SDK1: variants seen among roughly 807,000 people sequenced by gnomAD.
SDK1 encodes protein sidekick-1.
A neutral mutation model predicts 245.5 loss-of-function variants in SDK1; 157 were observed. The ratio of observed to expected loss-of-function variants is 0.64; its 90% CI spans 0.56 to 0.73. The LOEUF (loss-of-function observed/expected upper bound fraction) is 0.73. Ranked by LOEUF, SDK1 falls within the 30% of genes least tolerant of loss-of-function variation. The pLI, the probability that SDK1 is intolerant of heterozygous loss-of-function variation, is 0.00. For synonymous variants in SDK1, 1,647 were observed against 1,278.5 expected, an observed-to-expected ratio of 1.29 and a Z score of -6.15; for missense variants, 3,583 against 3,002.3, an observed-to-expected ratio of 1.19 and a Z score of -4.52.
intron 22 of SDK1, among the ~76,000 whole-genome samples, chr7:4,097,390 C>T (rs538525995): frequency 1.3e-5 from 2 of 152,348 alleles, no homozygotes; most frequent in South Asian, 4.1e-4. Context: ...TTTGTCTGAG[C>T]AGTGCCGCAT....
At chr7:3,507,124 G>C (rs1482725553) in intron 1 of SDK1, among the ~76,000 whole-genome samples, 1 of 152,136 alleles carries the variant, frequency 6.6e-6, no homozygotes, top group African/African-American at 2.4e-5. Flanking sequence ...TAGGGTGTCT[G>C]CTGAATGCCC....
intron 1 of SDK1, among the ~76,000 whole-genome samples, chr7:3,417,610 C>G (rs986874044): frequency 6.6e-6 from 1 of 152,172 alleles, no homozygotes; most frequent in East Asian, 1.9e-4. Flanking sequence ...CTCTGTGTTT[C>G]CCTTTTGTAA....
rs544707553 is a variant in SDK1 at position 3,918,334 on chromosome 7, G to T, written c.848-32589G>T. On this transcript the variant is annotated intron_variant, in intron 5 of 44. Transcript: ENST00000404826. ...ATGTGTATTTACAGCTGCTCCCATC[G>T]CTGGCATTACCACCAGAGCTCCGCC... Among the ~76,000 whole-genome samples the T allele has an allele frequency of 2.2e-4, 34 of 152,296 alleles. 1 individual carries two copies. The South Asian group carries it at 7.0e-3, about 32-fold the overall frequency.
intron 16 of SDK1, among the ~76,000 whole-genome samples, chr7:4,012,940 A>G (rs1032161053): frequency 2.6e-5 from 4 of 152,204 alleles, no homozygotes; most frequent in African/African-American, 9.7e-5. Flanking sequence ...TCAATACAGT[A>G]ATTTTAAATT....
At chr7:4,225,504 G>C (rs932185815) in intron 40 of SDK1, among the ~76,000 whole-genome samples, 3 of 152,084 alleles carry the variant, frequency 2.0e-5, no homozygotes, top group Non-Finnish European at 4.4e-5. Flanking sequence ...TCCAGGCAGC[G>C]ATAAGGCATT....
intron 5 of SDK1, among the ~76,000 whole-genome samples, chr7:3,914,283 A>C (rs1168265470): frequency 6.6e-6 from 1 of 152,180 alleles, no homozygotes; most frequent in Non-Finnish European, 1.5e-5. Context: ...ATTGTGTCTT[A>C]CTGGGTTCAT....
At chr7:3,988,132 GTTTTTTT>G (rs71032919) in intron 14 of SDK1, among the ~76,000 whole-genome samples, 7 of 85,416 alleles carry the variant, frequency 8.2e-5, no homozygotes, top group East Asian at 3.9e-4. Context: ...TCTTTTTAAT[GTTTTTTT>G]TTTTTTTTTT....
At chr7:3,680,042 C>T (rs1159251300) in intron 4 of SDK1, among the ~76,000 whole-genome samples, 2 of 152,092 alleles carry the variant, frequency 1.3e-5, no homozygotes, top group African/African-American at 4.8e-5. Flanking sequence ...TCAGATGTTC[C>T]TCAGTGGGTG....
At chr7:3,557,949 T>C (rs1411959870) in intron 1 of SDK1, among the ~76,000 whole-genome samples, 3 of 152,296 alleles carry the variant, frequency 2.0e-5, no homozygotes, top group African/African-American at 7.2e-5. Context: ...TTGTACATTG[T>C]CTTTAACAGC....
rs1785903698 is a variant in SDK1, at chr7:4,011,006, G to A, written c.2172G>A (p.Glu724=). The A allele has an allele frequency of 1.2e-6, 2 of 1,614,226 alleles. No homozygotes were observed. Among genetic ancestry groups the A allele is most frequent in the Non-Finnish European group, 1.7e-6 (2 of 1,180,032 alleles). The change falls in exon 15 of 45, where the codon GAG becomes GAA. Residue 724 remains glutamate (E), a synonymous_variant. Coordinates refer to ENST00000404826, the MANE Select transcript of SDK1 (RefSeq NM_152744.4). ...WKVHLSNVGP[E]MTGVTVSGLT... Reference sequence around the variant, plus strand: ...TGCATCTGTCAAACGTTGGCCCTGAGATGACAGGCGTCACCGTGAGTGGCC... The same window carrying A: ...TGCATCTGTCAAACGTTGGCCCTGAAATGACAGGCGTCACCGTGAGTGGCC...
intron 35 of SDK1, among the ~76,000 whole-genome samples, chr7:4,179,675 G>T (rs960812939): frequency 3.3e-5 from 5 of 152,000 alleles, no homozygotes; most frequent in African/African-American, 1.2e-4. Flanking sequence ...TTTCCCTCAG[G>T]GATGGACCTG....
At chr7:3,907,920 T>C (rs1583545650) in intron 5 of SDK1, among the ~76,000 whole-genome samples, 1 of 152,224 alleles carries the variant, frequency 6.6e-6, no homozygotes, top group East Asian at 1.9e-4. Context: ...GGCTTGTGTG[T>C]GTATTGTTTA....
chr7:3,357,628 A>C (rs890508501), intron 1 of SDK1, among the ~76,000 whole-genome samples: 2 of 151,726 alleles, frequency 1.3e-5, no homozygotes, highest in Non-Finnish European at 2.9e-5. Context: ...GATGACAGGC[A>C]TGAGCCGCAC....
At chr7:3,763,963 C>T (rs896505620) in intron 4 of SDK1, among the ~76,000 whole-genome samples, 2 of 152,112 alleles carry the variant, frequency 1.3e-5, no homozygotes, top group Non-Finnish European at 2.9e-5. Context: ...ATGCCCCTTC[C>T]CAGTCAAACC....
At chr7:3,457,735 T>C (rs2128593771) in intron 1 of SDK1, among the ~76,000 whole-genome samples, 1 of 152,292 alleles carries the variant, frequency 6.6e-6, no homozygotes, top group East Asian at 1.9e-4. Flanking sequence ...GATTGTTCTC[T>C]GGGTCTTCCA....
intron 2 of SDK1, among the ~76,000 whole-genome samples, chr7:3,634,949 C>G (rs1218797714): frequency 6.6e-6 from 1 of 152,164 alleles, no homozygotes; most frequent in Non-Finnish European, 1.5e-5. Context: ...AATGAGCAAT[C>G]ATATAAATAT....
chr7:3,392,590 C>T (rs1781785706), intron 1 of SDK1, among the ~76,000 whole-genome samples: 1 of 152,122 alleles, frequency 6.6e-6, no homozygotes, highest in Non-Finnish European at 1.5e-5. Flanking sequence ...ACAGAAACTG[C>T]AACTTCTAAG....
chr7:4,034,920 A>G (rs28667817), intron 17 of SDK1, among the ~76,000 whole-genome samples: 4,341 of 152,342 alleles, frequency 0.028, 197 homozygotes, highest in African/African-American at 0.1. Context: ...TTCTCTGAAT[A>G]TATTTGCTTA....
At chr7:4,173,650 A>G (rs1781991387) in intron 32 of SDK1, among the ~76,000 whole-genome samples, 2 of 152,324 alleles carry the variant, frequency 1.3e-5, no homozygotes, top group South Asian at 4.1e-4. Flanking sequence ...CAGCTGAAGC[A>G]GATCACCGGA....
Sources: gnomAD v4.1 joint callset for allele counts (sites outside exome capture counted in the v4.1 genomes callset) on GRCh38, gnomAD v4.1.1 for gene constraint, MANE v1.5 for transcripts, NCBI Gene and HGNC (gene_info 2026-07-23, HGNC 2026-07-21) for gene names.